SREBF2: variants seen among roughly 807,000 people sequenced by gnomAD.
SREBF2 encodes sterol regulatory element-binding protein 2.
Under a neutral mutation model 113.1 loss-of-function variants are expected in SREBF2, and 55 were observed. The ratio of observed to expected loss-of-function variants is 0.49; its 90% CI spans 0.39 to 0.61. The LOEUF is 0.61. Ranked by LOEUF, SREBF2 falls within the 20% of genes least tolerant of loss-of-function variation. The pLI, the probability that SREBF2 is intolerant of heterozygous loss-of-function variation, is 0.00. For missense variants in SREBF2, 1,349 were observed against 1,487.4 expected (o/e 0.91, Z 1.53); for synonymous variants, 593 against 605.7 (o/e 0.98, Z 0.31).
chr22:41,905,011 G>C, intron 18 of SREBF2, 37 bp downstream of exon 18: 1 of 1,536,530 alleles, frequency 6.5e-7, no homozygotes, highest in East Asian at 2.4e-5. Context: ...GGCTGGGCCA[G>C]GCCCTGCGCC....
chr22:41,874,212 T>C (rs1210832252), intron 5 of SREBF2, among the ~76,000 whole-genome samples, 193 bp downstream of exon 5: 1 of 152,062 alleles, frequency 6.6e-6, no homozygotes, highest in Non-Finnish European at 1.5e-5. Context: ...CTGGTGAGGG[T>C]TGATAAGGCA....
At chr22:41,875,159 T>A (rs2077183022) in intron 5 of SREBF2, among the ~76,000 whole-genome samples, 178 bp from the exon 6 acceptor site, 2 of 152,130 alleles carry the variant, frequency 1.3e-5, no homozygotes, top group Admixed American at 1.3e-4. Flanking sequence ...GAAAGTGAGG[T>A]TCTGAGGTAT....
rs748529876 is a variant in SREBF2, at chr22:41,902,975, C to G, written c.2913C>G (p.Val971=). ...ATSDPALNHV[V]QLLTCDLLLS... The stretch of plus-strand genomic sequence containing the variant: ...TCTCGTGGCTGACCCCACAGGTGGT[C>G]CAGCTGCTCACCTGTGACCTGCTAC... Residue 971 remains valine, a synonymous_variant, in exon 17 of 19, where the codon GTC becomes GTG. Coordinates refer to ENST00000361204, the MANE Select transcript of SREBF2 (RefSeq NM_004599.4). 3.1e-6 allele frequency: 5 copies of G among 1,609,942 alleles called. No individual in the cohort carries two copies. The African/African-American group carries it at 6.7e-5, about 22-fold the overall frequency.
rs768987716 is a variant in SREBF2 at position 41,868,770 on chromosome 22, C to T, written c.698C>T (p.Ala233Val). Residue 233 changes from alanine to valine, a missense_variant, in exon 3 of 19, where the codon GCG becomes GTG. By Grantham distance (64) the Ala-to-Val change is moderately conservative. Coordinates refer to ENST00000361204, the MANE Select transcript of SREBF2 (RefSeq NM_004599.4). ...CCGGCTACGGTGCAGACAGTTGCTG[C>T]GCCACAGGTGCAGCAGGTCCCGGTA... ...LAPATVQTVA[A>V]PQVQQVPVLV... The T allele has an allele frequency of 9.9e-6, 16 of 1,612,774 alleles. No individual in the cohort carries two copies. Among genetic ancestry groups the T allele is most frequent in the East Asian group, 4.5e-5 (2 of 44,814 alleles).
At chr22:41,873,616 C>G in intron 4 of SREBF2, 182 bp from the exon 5 acceptor site, 1 of 638,218 alleles carries the variant, frequency 1.6e-6, no homozygotes, top group South Asian at 1.8e-5. Context: ...AGGTAGTAAC[C>G]AAGGTTCCGT....
chr22:41,860,387 A>T (rs1451913423), intron 1 of SREBF2, among the ~76,000 whole-genome samples: 1 of 152,226 alleles, frequency 6.6e-6, no homozygotes, highest in Non-Finnish European at 1.5e-5. Context: ...GTACTCAGTC[A>T]TGCAAGACAA....
At chr22:41,861,279 C>T (rs983463001) in intron 1 of SREBF2, among the ~76,000 whole-genome samples, 1 of 151,608 alleles carries the variant, frequency 6.6e-6, no homozygotes, top group African/African-American at 2.4e-5. Flanking sequence ...GTCAGCAGTT[C>T]GAGACGAGCC....
At chr22:41,862,445 A>C (rs2077035756) in intron 1 of SREBF2, among the ~76,000 whole-genome samples, 1 of 152,224 alleles carries the variant, frequency 6.6e-6, no homozygotes, top group African/African-American at 2.4e-5. Context: ...TGAGCGTGCC[A>C]GCCTAGCTCG....
chr22:41,848,261 AT>A (rs1402549965), intron 1 of SREBF2, among the ~76,000 whole-genome samples: 2 of 151,480 alleles, frequency 1.3e-5, no homozygotes, highest in African/African-American at 2.4e-5. Context: ...CTCCCCCTGT[AT>A]TTTTTTAGTA....
At chr22:41,836,700 A>G (rs1013338739) in intron 1 of SREBF2, among the ~76,000 whole-genome samples, 5 of 152,198 alleles carry the variant, frequency 3.3e-5, no homozygotes, top group African/African-American at 1.2e-4. Flanking sequence ...GCAGGATACT[A>G]ATTGTCTTGG....
chr22:41,859,904 C>G (rs903120260), intron 1 of SREBF2, among the ~76,000 whole-genome samples: 4 of 138,288 alleles, frequency 2.9e-5, no homozygotes, highest in African/African-American at 1.1e-4. Context: ...CTCCCAGGTT[C>G]TCGCCATTCT....
At chr22:41,895,856 G>A (rs2077411503) in intron 13 of SREBF2, among the ~76,000 whole-genome samples, 1 of 151,180 alleles carries the variant, frequency 6.6e-6, no homozygotes, top group South Asian at 2.1e-4. Context: ...AAAGGGGATG[G>A]GGGCTGGGTG....
chr22:41,892,664 A>AG (rs1465634187), intron 11 of SREBF2, among the ~76,000 whole-genome samples: 1 of 151,720 alleles, frequency 6.6e-6, no homozygotes, highest in Non-Finnish European at 1.5e-5. Flanking sequence ...AAAAAAAAAA[A>AG]AAAATGACAT....
rs1311131132 is a variant in SREBF2, at chr22:41,875,655, G to A, written c.1317G>A (p.Gly439=). Residue 439 remains glycine (G), a synonymous_variant, in exon 7 of 19, where the codon GGG becomes GGA. Coordinates refer to ENST00000361204, the MANE Select transcript of SREBF2 (RefSeq NM_004599.4). ...LLMSPPASDS[G]SQAGFSPYSI... The stretch of plus-strand genomic sequence containing the variant: ...TGTCCCCCCCAGCCTCTGACTCAGG[G>A]TCCCAGGCTGGCTTCTCTCCCTACT... 6.2e-7 allele frequency: 1 copy of A among 1,614,064 alleles called. No homozygotes were observed. Among genetic ancestry groups the A allele is most frequent in the Non-Finnish European group, 8.5e-7 (1 of 1,180,042 alleles).
intron 4 of SREBF2, 109 bp from the exon 5 acceptor site, chr22:41,873,689 G>C: frequency 2.8e-6 from 3 of 1,089,878 alleles, no homozygotes; most frequent in Non-Finnish European, 4.1e-6. Context: ...ACCTCATGAA[G>C]TACTGCCAGG....
chr22:41,887,142 G>A lies in SREBF2; in HGVS notation c.2208+2131G>A, dbSNP rs150307503. On this transcript the variant is annotated intron_variant, in intron 11 of 18. Transcript: ENST00000361204. The stretch of plus-strand genomic sequence containing the variant: ...AGGCAGGAGAATCGCCTGAACCTGG[G>A]AAGTGGAGGTTGTAATGAGCCAAGA... Among the ~76,000 whole-genome samples, 1,132 of 152,238 alleles carry A rather than the reference G, an allele frequency of 7.4e-3. 16 individuals carry two copies. Among genetic ancestry groups the A allele is most frequent in the African/African-American group, 0.027 (1,112 of 41,540 alleles).
Position 41,900,320 on chromosome 22 carries a change from ACTG to A in SREBF2, c.2739-5_2739-3del. The A allele has an allele frequency of 6.2e-7, 1 of 1,611,972 alleles. No homozygotes were observed. Among genetic ancestry groups the A allele is most frequent in the Non-Finnish European group, 8.5e-7 (1 of 1,180,008 alleles). The stretch of plus-strand genomic sequence containing the variant: ...GTGACCTGCCTCTCGACTCCCTGTC[ACTG>A]CTGCAGGAGCCCCCTGGTGAAGGCC... On this transcript the variant is annotated splice_region_variant and splice_polypyrimidine_tract_variant and intron_variant, in intron 15 of 18. Coordinates refer to ENST00000361204, the MANE Select transcript of SREBF2 (RefSeq NM_004599.4).
chr22:41,858,722 G>C (rs544950045), intron 1 of SREBF2, among the ~76,000 whole-genome samples: 2 of 152,224 alleles, frequency 1.3e-5, no homozygotes, highest in South Asian at 4.1e-4. Context: ...ACTCCAGCCT[G>C]GGTGACAGAG....
intron 1 of SREBF2, among the ~76,000 whole-genome samples, chr22:41,853,153 G>A (rs2076947798): frequency 6.6e-6 from 1 of 152,190 alleles, no homozygotes; most frequent in African/African-American, 2.4e-5. Flanking sequence ...CTGGGCTGGA[G>A]GAGCTCTCCT....
Sources: gnomAD v4.1 joint callset for allele counts (sites outside exome capture counted in the v4.1 genomes callset) on GRCh38, gnomAD v4.1.1 for gene constraint, MANE v1.5 for transcripts, NCBI Gene and HGNC (gene_info 2026-07-23, HGNC 2026-07-21) for gene names.